The following CORIN variants were observed in gnomAD, a reference collection of about 807,000 sequenced individuals.
The protein encoded by CORIN is corin, serine peptidase, also known as atrial natriuretic peptide-converting enzyme.
Under a neutral mutation model 125.3 loss-of-function variants are expected in CORIN, and 117 were observed. The observed-to-expected ratio is 0.93, with a 90% CI of 0.80 to 1.09. The LOEUF (loss-of-function observed/expected upper bound fraction) is 1.09. Ranked by LOEUF, CORIN falls within the 50% of genes least tolerant of loss-of-function variation. CORIN has a pLI of 0.00. For synonymous variants in CORIN, 450 were observed against 466.4 expected (o/e 0.96, Z 0.45); for missense variants, 1,253 against 1,306.7 (o/e 0.96, Z 0.63).
chr4:47,726,215 G>C (rs763593248), intron 5 of CORIN, among the ~76,000 whole-genome samples: 4 of 151,984 alleles, frequency 2.6e-5, no homozygotes, highest in Non-Finnish European at 5.9e-5. Context: ...ACCAATCTAG[G>C]TATTCATCTT....
intron 3 of CORIN, among the ~76,000 whole-genome samples, chr4:47,771,346 T>C (rs1428635904): frequency 6.6e-6 from 1 of 152,162 alleles, no homozygotes; most frequent in Non-Finnish European, 1.5e-5. Flanking sequence ...TGAAAGGATA[T>C]CGTGTACTTA....
At chr4:47,686,300 A>G (rs931874383) in intron 6 of CORIN, among the ~76,000 whole-genome samples, 5 of 152,072 alleles carry the variant, frequency 3.3e-5, no homozygotes, top group African/African-American at 1.2e-4. Flanking sequence ...ACACGCATAT[A>G]TACACGTAAG....
At chr4:47,808,805 A>T (rs1233217905) in intron 1 of CORIN, among the ~76,000 whole-genome samples, 1 of 152,226 alleles carries the variant, frequency 6.6e-6, no homozygotes, top group Non-Finnish European at 1.5e-5. Flanking sequence ...TAGTGGCAGA[A>T]ACAAGTTGAT....
chr4:47,719,764 GA>G (rs1727262780), intron 5 of CORIN, among the ~76,000 whole-genome samples: 1 of 152,172 alleles, frequency 6.6e-6, no homozygotes, highest in African/African-American at 2.4e-5. Flanking sequence ...CTTAGCAACT[GA>G]AAAGAATAAT....
rs568122901 is a variant in CORIN at position 47,811,573 on chromosome 4, G to A, written c.64-4526C>T. Among the ~76,000 whole-genome samples the A allele has an allele frequency of 3.9e-5, 6 of 152,282 alleles. 1 individual carries two copies. The highest frequency in any genetic ancestry group is 1.4e-4 in the African/African-American group (6 of 41,544). On this transcript the variant is annotated intron_variant, in intron 1 of 21. Coordinates refer to ENST00000273857, the MANE Select transcript of CORIN (RefSeq NM_006587.4). ...CCTACTTGAATACCCCTGACCAAAGGTGAGTCCTCATCTATCAGGGATGGT... is the reference window on the plus strand; with the variant it reads ...CCTACTTGAATACCCCTGACCAAAGATGAGTCCTCATCTATCAGGGATGGT...
At chr4:47,764,126 G>A (rs192945751) in intron 3 of CORIN, among the ~76,000 whole-genome samples, 19 of 152,282 alleles carry the variant, frequency 1.2e-4, no homozygotes, top group Non-Finnish European at 2.4e-4. Context: ...TTAGGTACAT[G>A]AAAGATGCTT....
Position 47,763,373 on chromosome 4 carries a change from A to C in CORIN, c.617+6T>G. ...TTATCACTGAATAATCTGGGTTCCGAAATACCTGTCATCGCCATCAATGAT... is the reference window on the plus strand; with the variant it reads ...TTATCACTGAATAATCTGGGTTCCGCAATACCTGTCATCGCCATCAATGAT... On this transcript the variant is annotated splice_donor_region_variant and intron_variant, in intron 4 of 21. Transcript: ENST00000273857. 6.2e-7 allele frequency: 1 copy of C among 1,611,024 alleles called. No individual in the cohort carries two copies. Among genetic ancestry groups the C allele is most frequent in the Non-Finnish European group, 8.5e-7 (1 of 1,178,012 alleles).
chr4:47,695,696 A>G (rs1208586796), intron 5 of CORIN, among the ~76,000 whole-genome samples: 1 of 152,208 alleles, frequency 6.6e-6, no homozygotes, highest in East Asian at 1.9e-4. Flanking sequence ...TTGGTAGTTA[A>G]TATTACTTTT....
At chr4:47,834,978 CAG>C (rs1360652629) in intron 1 of CORIN, among the ~76,000 whole-genome samples, 1 of 152,146 alleles carries the variant, frequency 6.6e-6, no homozygotes, top group Non-Finnish European at 1.5e-5. Context: ...TCTTAAGGGG[CAG>C]AGTCAGAGGT....
chr4:47,623,096 C>CTCTCTCTCTCTCTCTATATA (rs771867590), intron 19 of CORIN, among the ~76,000 whole-genome samples: 13 of 102,298 alleles, frequency 1.3e-4, no homozygotes, highest in African/African-American at 5.6e-4. Flanking sequence ...CTCTCTCTCT[C>CTCTCTCTCTCTCTCTATATA]TATATATATA....
At chr4:47,627,289 G>A (rs1156561485) in intron 16 of CORIN, among the ~76,000 whole-genome samples, 1 of 152,046 alleles carries the variant, frequency 6.6e-6, no homozygotes, top group Non-Finnish European at 1.5e-5. Context: ...GGCCTCATCT[G>A]ATTATTATTT....
chr4:47,832,836 TA>T (rs1448353369), intron 1 of CORIN, among the ~76,000 whole-genome samples: 2 of 152,224 alleles, frequency 1.3e-5, no homozygotes, highest in African/African-American at 2.4e-5. Context: ...GGAGATCATG[TA>T]TCTGTGCTGC....
chr4:47,745,992 G>A (rs1331883934), intron 4 of CORIN, among the ~76,000 whole-genome samples: 1 of 152,158 alleles, frequency 6.6e-6, no homozygotes, highest in Non-Finnish European at 1.5e-5. Flanking sequence ...TCAACAGTGA[G>A]GATGTTGAAG....
At chr4:47,796,516 G>A (rs554011821) in intron 2 of CORIN, among the ~76,000 whole-genome samples, 2 of 152,152 alleles carry the variant, frequency 1.3e-5, no homozygotes, top group South Asian at 2.1e-4. Flanking sequence ...TAGTGACTAT[G>A]GTTAATACTT....
At chr4:47,700,012 T>A (rs1199659595) in intron 5 of CORIN, among the ~76,000 whole-genome samples, 1 of 152,084 alleles carries the variant, frequency 6.6e-6, no homozygotes, top group Non-Finnish European at 1.5e-5. Flanking sequence ...ATTAAAGGGG[T>A]GTATTCAGTT....
At chr4:47,834,331 G>C (rs899176107) in intron 1 of CORIN, among the ~76,000 whole-genome samples, 27 of 152,128 alleles carry the variant, frequency 1.8e-4, no homozygotes, top group African/African-American at 6.0e-4. Context: ...AGGACACTAT[G>C]CTAAGTGAAA....
chr4:47,735,396 T>C (rs1728079258), intron 5 of CORIN, among the ~76,000 whole-genome samples: 2 of 152,140 alleles, frequency 1.3e-5, no homozygotes, highest in Admixed American at 1.3e-4. Context: ...GAAAAAAATA[T>C]TACAACCAAG....
intron 4 of CORIN, among the ~76,000 whole-genome samples, chr4:47,761,287 G>GAGAT (rs1388634722): frequency 6.6e-6 from 1 of 152,182 alleles, no homozygotes; most frequent in African/African-American, 2.4e-5. Context: ...TTTAAAGTGA[G>GAGAT]AGATATGCCA....
chr4:47,790,277 A>G (rs1411061825), intron 2 of CORIN: 30 of 814,454 alleles, frequency 3.7e-5, no homozygotes, highest in Non-Finnish European at 4.5e-5. Flanking sequence ...CCCCGGCAGA[A>G]CCCCCGACTG....
Sources: gnomAD v4.1 joint callset for allele counts (sites outside exome capture counted in the v4.1 genomes callset) on GRCh38, gnomAD v4.1.1 for gene constraint, MANE v1.5 for transcripts, NCBI Gene and HGNC (gene_info 2026-07-23, HGNC 2026-07-21) for gene names.